SUPT3H: variants seen among roughly 807,000 people sequenced by gnomAD.
The protein encoded by SUPT3H is SPT3 homolog, SAGA and STAGA complex component.
A neutral mutation model predicts 44.3 loss-of-function variants in SUPT3H; 44 were observed. The ratio of observed to expected loss-of-function variants is 0.99; its 90% CI spans 0.78 to 1.28. SUPT3H has a LOEUF of 1.28. Among genes scored for constraint, SUPT3H ranks in the 50% most tolerant of loss-of-function variants. SUPT3H has a pLI of 0.00. For missense variants in SUPT3H, 380 were observed against 387.1 expected (o/e 0.98, Z 0.15); for synonymous variants, 124 against 125.6 (o/e 0.99, Z 0.09).
Position 44,954,614 on chromosome 6 carries a change from AT to A in SUPT3H, c.581-8del. The A allele has an allele frequency of 6.3e-7, 1 of 1,589,702 alleles. No individual in the cohort carries two copies. Among genetic ancestry groups the A allele is most frequent in the Non-Finnish European group, 8.6e-7 (1 of 1,160,418 alleles). ...AATTTGGAAGCTTTTTTGGCTGGCCATTTAAAAAAAACAAGTGCAGAAATTT... is the reference window on the plus strand; with the variant it reads ...AATTTGGAAGCTTTTTTGGCTGGCCATTAAAAAAAACAAGTGCAGAAATTT... On this transcript the variant is annotated splice_region_variant and splice_polypyrimidine_tract_variant and intron_variant, in intron 7 of 10. Transcript: ENST00000371459.
chr6:45,193,713 T>C (rs114559027), intron 2 of SUPT3H, among the ~76,000 whole-genome samples: 2,761 of 152,098 alleles, frequency 0.018, 80 homozygotes, highest in African/African-American at 0.062. Flanking sequence ...CAAAACTCCA[T>C]CTCAAATAAT....
chr6:45,065,346 C>G (rs370284205), intron 3 of SUPT3H, among the ~76,000 whole-genome samples: 7 of 135,600 alleles, frequency 5.2e-5, no homozygotes, highest in African/African-American at 8.4e-5. Flanking sequence ...TAAATGCCCA[C>G]AAGAGAAAGC....
intron 3 of SUPT3H, among the ~76,000 whole-genome samples, chr6:45,060,518 T>C (rs909717032): frequency 7.9e-5 from 12 of 151,982 alleles, no homozygotes; most frequent in African/African-American, 2.9e-4. Context: ...AATAGCATTC[T>C]GGACACAGGC....
At chr6:45,010,934 G>A (rs1347176291) in intron 5 of SUPT3H, among the ~76,000 whole-genome samples, 1 of 151,942 alleles carries the variant, frequency 6.6e-6, no homozygotes, top group African/African-American at 2.4e-5. Flanking sequence ...AAACACTTTT[G>A]GAATTTTGTT....
At chr6:45,024,143 G>T (rs1267400930) in intron 3 of SUPT3H, among the ~76,000 whole-genome samples, 1 of 152,002 alleles carries the variant, frequency 6.6e-6, no homozygotes, top group Non-Finnish European at 1.5e-5. Flanking sequence ...ATATTAACTT[G>T]TAACAACTTT....
chr6:45,199,405 A>T (rs1365415554), intron 2 of SUPT3H, among the ~76,000 whole-genome samples: 2 of 151,236 alleles, frequency 1.3e-5, no homozygotes, highest in East Asian at 3.9e-4. Context: ...ATTCTGCAGC[A>T]CCTTAAGTAA....
chr6:44,887,642 A>C (rs1762537964), intron 10 of SUPT3H, among the ~76,000 whole-genome samples: 3 of 151,696 alleles, frequency 2.0e-5, no homozygotes, highest in Non-Finnish European at 4.4e-5. Context: ...AATTTATAGC[A>C]CTAAATGCCC....
intron 10 of SUPT3H, among the ~76,000 whole-genome samples, chr6:44,834,092 A>C (rs181886472): frequency 1.9e-3 from 290 of 152,256 alleles, no homozygotes; most frequent in Non-Finnish European, 3.1e-3. Flanking sequence ...CAGTTCTTCA[A>C]AGCCAATGGG....
At chr6:45,005,729 T>A (rs1782627724) in intron 5 of SUPT3H, among the ~76,000 whole-genome samples, 2 of 151,810 alleles carry the variant, frequency 1.3e-5, no homozygotes, top group Admixed American at 1.3e-4. Context: ...TTAATTTCTA[T>A]ATTGTCAAAT....
rs76357035 is a variant in SUPT3H, at chr6:44,932,633, A to G, written c.912+20T>C. On this transcript the variant is annotated intron_variant, in intron 10 of 10. Coordinates refer to ENST00000371459, the MANE Select transcript of SUPT3H (RefSeq NM_003599.4). Reference sequence around the variant, plus strand: ...TTTCATATTATAAATATAACTTTTTATAACTCTGTTATTACGTACTGTGAA... The same window carrying G: ...TTTCATATTATAAATATAACTTTTTGTAACTCTGTTATTACGTACTGTGAA... The G allele has an allele frequency of 4.7e-3, 7,190 of 1,533,896 alleles. 272 individuals carry two copies. In the African/African-American group the frequency reaches 0.084, roughly 18 times the overall value.
intron 10 of SUPT3H, among the ~76,000 whole-genome samples, chr6:44,869,257 C>G (rs908725121): frequency 2.6e-5 from 4 of 152,064 alleles, no homozygotes; most frequent in Non-Finnish European, 5.9e-5. Flanking sequence ...ATATCACACC[C>G]CAAAGGCTGT....
In SUPT3H at chr6:45,141,854, G is replaced by A. The variant is rs189005415; in HGVS notation, c.102-35848C>T. ...ATTTGAGGAAAACTTCGCTAGTCTA[G>A]CTAGAGATCTAGACATTCAAATACA... is the stretch of plus-strand genomic sequence containing the variant. On this transcript the variant is annotated intron_variant, in intron 2 of 10. Coordinates refer to ENST00000371459, the MANE Select transcript of SUPT3H (RefSeq NM_003599.4). Among the ~76,000 whole-genome samples, 335 of 152,296 alleles carry A rather than the reference G, an allele frequency of 2.2e-3. 4 individuals carry two copies. The highest frequency in any genetic ancestry group is 0.01 in the Middle Eastern group (3 of 294).
chr6:45,232,521 C>G (rs1768250362), intron 2 of SUPT3H, among the ~76,000 whole-genome samples: 1 of 152,114 alleles, frequency 6.6e-6, no homozygotes, highest in South Asian at 2.1e-4. Flanking sequence ...ACCAGGCAGG[C>G]CAATTCGTGG....
chr6:45,084,243 T>G (rs1050858417), intron 3 of SUPT3H, among the ~76,000 whole-genome samples: 1 of 152,100 alleles, frequency 6.6e-6, no homozygotes, highest in Admixed American at 6.5e-5. Context: ...CAAATACCCA[T>G]GCGACAAAGG....
At chr6:44,833,811 A>AGAT (rs1027352017) in intron 10 of SUPT3H, among the ~76,000 whole-genome samples, 1 of 152,154 alleles carries the variant, frequency 6.6e-6, no homozygotes, top group African/African-American at 2.4e-5. Flanking sequence ...AGAGCACTGT[A>AGAT]GATACACATA....
intron 2 of SUPT3H, among the ~76,000 whole-genome samples, chr6:45,241,663 G>T (rs568146144): frequency 6.6e-6 from 1 of 152,264 alleles, no homozygotes; most frequent in South Asian, 2.1e-4. Flanking sequence ...CTCTAGAGCT[G>T]CTGGGTTAGG....
Position 45,158,294 on chromosome 6 carries a change from A to ATTTTT in SUPT3H, c.102-52289_102-52288insAAAAA, listed in dbSNP as rs1554266490. On this transcript the variant is annotated intron_variant, in intron 2 of 10. Coordinates refer to ENST00000371459, the MANE Select transcript of SUPT3H (RefSeq NM_003599.4). ...AATATACATATATATATATATATAT[A>ATTTTT]TATATTTTTTTTTTTTTTTTTTTGA... Among the ~76,000 whole-genome samples, 81 of 30,530 alleles carry ATTTTT rather than the reference A, an allele frequency of 2.7e-3. 1 individual carries two copies. Among genetic ancestry groups the ATTTTT allele is most frequent in the Non-Finnish European group, 4.5e-3 (73 of 16,228 alleles). 20.0% of individuals were successfully genotyped at this position (30,530 alleles called of 152,430 possible). A position where few individuals can be genotyped will look rare whatever the true frequency, so the allele number is the denominator to read the frequency against.
chr6:45,103,307 G>C (rs181769154), intron 3 of SUPT3H, among the ~76,000 whole-genome samples: 2 of 152,274 alleles, frequency 1.3e-5, no homozygotes, highest in East Asian at 3.9e-4. Flanking sequence ...TGGGTAAGGA[G>C]AGGTAAGCAT....
chr6:45,355,509 G>A (rs1448760933), intron 2 of SUPT3H, among the ~76,000 whole-genome samples: 2 of 152,064 alleles, frequency 1.3e-5, no homozygotes, highest in Non-Finnish European at 2.9e-5. Flanking sequence ...AATACAGAAA[G>A]AAGTGAACCA....
Sources: gnomAD v4.1 joint callset for allele counts (sites outside exome capture counted in the v4.1 genomes callset) on GRCh38, gnomAD v4.1.1 for gene constraint, MANE v1.5 for transcripts, NCBI Gene and HGNC (gene_info 2026-07-23, HGNC 2026-07-21) for gene names.